The following TARS2 variants were observed in gnomAD, a reference collection of about 807,000 sequenced individuals.
TARS2 encodes the protein threonine--tRNA ligase, mitochondrial.
In TARS2, 61 loss-of-function variants were observed where a neutral mutation model predicts 94.4. The observed-to-expected ratio is 0.65, with a 90% confidence interval of 0.53 to 0.80. The LOEUF (loss-of-function observed/expected upper bound fraction) is 0.80, where lower values mean the gene tolerates loss of function less well. TARS2 is among the 30% of genes least tolerant of loss of function. The pLI is 0.00. For missense variants in TARS2, 704 were observed against 902.5 expected (o/e 0.78, Z 2.82); for synonymous variants, 359 against 353.4 (o/e 1.02, Z -0.18).
At chr1:150,494,534 G>A (rs1669559485) in intron 7 of TARS2, among the ~76,000 whole-genome samples, 1 of 151,786 alleles carries the variant, frequency 6.6e-6, no homozygotes, top group Admixed American at 6.6e-5. Context: ...GAGCTCAGGA[G>A]TTCAAGACCA....
intron 13 of TARS2, among the ~76,000 whole-genome samples, chr1:150,503,644 T>C (rs143857449): frequency 0.014 from 1,622 of 117,420 alleles, 47 homozygotes; most frequent in African/African-American, 0.044. Context: ...TGTGTGTATA[T>C]ATGTGTGTAT....
At chr1:150,494,370 CAAAAAAAAAAAAA>C (rs377287320) in intron 7 of TARS2, among the ~76,000 whole-genome samples, 33,010 of 92,492 alleles carry the variant, frequency 0.36, 4,402 homozygotes, top group African/African-American at 0.44. Flanking sequence ...GACAACATCT[CAAAAAAAAAAAAA>C]AAAAAAAAGA....
chr1:150,503,645 A>ATG (rs1341187822), intron 13 of TARS2, among the ~76,000 whole-genome samples: 53 of 68,910 alleles, frequency 7.7e-4, no homozygotes, highest in African/African-American at 1.6e-3. Flanking sequence ...GTGTGTATAT[A>ATG]TGTGTGTATA....
chr1:150,504,274 G>A (rs1192013884), intron 13 of TARS2, 61 bp from the exon 14 acceptor site: 1 of 1,534,930 alleles, frequency 6.5e-7, no homozygotes, highest in Non-Finnish European at 9.0e-7. Context: ...AGGTAATGGA[G>A]GATAGTGGTT....
At chr1:150,503,631 A>ATG (rs375895458) in intron 13 of TARS2, among the ~76,000 whole-genome samples, 2,650 of 79,438 alleles carry the variant, frequency 0.033, 127 homozygotes, top group African/African-American at 0.084. Flanking sequence ...GTGTGTATAT[A>ATG]TGTGTGTGTA....
At chr1:150,506,661 C>T (rs1396599594) in intron 17 of TARS2, among the ~76,000 whole-genome samples, 1 of 151,678 alleles carries the variant, frequency 6.6e-6, no homozygotes, top group African/African-American at 2.4e-5. Flanking sequence ...ACTCTTATGT[C>T]TCTGACCCTG....
intron 13 of TARS2, among the ~76,000 whole-genome samples, chr1:150,503,599 G>A (rs1413459953): frequency 2.2e-5 from 3 of 133,472 alleles, no homozygotes; most frequent in African/African-American, 2.8e-5. Context: ...GTGTGTGTGT[G>A]TGTATGTGTG....
chr1:150,496,097 A>C (rs777750514), intron 7 of TARS2, among the ~76,000 whole-genome samples: 3 of 152,182 alleles, frequency 2.0e-5, no homozygotes, highest in African/African-American at 7.2e-5. Flanking sequence ...GGTATAGAAG[A>C]CTGACTTTTC....
At chr1:150,490,125 T>TA (rs1669318013) in intron 3 of TARS2, among the ~76,000 whole-genome samples, 1 of 133,990 alleles carries the variant, frequency 7.5e-6, no homozygotes, top group Admixed American at 7.3e-5. Flanking sequence ...TTTTTTTTTT[T>TA]TTTTTTTTTT....
intron 5 of TARS2, 39 bp from the exon 6 acceptor site, chr1:150,491,559 T>TA: frequency 1.2e-6 from 2 of 1,614,082 alleles, no homozygotes; most frequent in Non-Finnish European, 1.7e-6. Context: ...TTTGTGGGAA[T>TA]AAACACTTTT....
At chr1:150,502,589 G>A (rs772479169) in intron 13 of TARS2, among the ~76,000 whole-genome samples, 48 of 151,476 alleles carry the variant, frequency 3.2e-4, no homozygotes, top group Non-Finnish European at 5.2e-4. Flanking sequence ...GCATTTCACC[G>A]TGTTGGCCAG....
At chr1:150,494,386 A>AAG (rs1553903983) in intron 7 of TARS2, among the ~76,000 whole-genome samples, 9 of 151,808 alleles carry the variant, frequency 5.9e-5, no homozygotes, top group Middle Eastern at 3.4e-3. Flanking sequence ...AAAAAAAAAA[A>AAG]AAAAAGATAA....
chr1:150,501,293 CA>C (rs58418387), intron 13 of TARS2, among the ~76,000 whole-genome samples: 95 of 113,266 alleles, frequency 8.4e-4, no homozygotes, highest in East Asian at 2.8e-3. Context: ...CTCGTCTCTA[CA>C]AAAAAAAATT....
At chr1:150,497,787 T>C (rs1422450404) in intron 10 of TARS2, 40 bp downstream of exon 10, 2 of 1,587,850 alleles carry the variant, frequency 1.3e-6, no homozygotes, top group East Asian at 2.3e-5. Context: ...TTGCTAAATA[T>C]TAAATAATAG....
intron 10 of TARS2, 119 bp downstream of exon 10, chr1:150,497,866 C>T (rs971881135): frequency 2.0e-5 from 20 of 1,024,054 alleles, no homozygotes; most frequent in African/African-American, 3.2e-5. Context: ...CCGAGGCGGG[C>T]GGATCACCTG....
chr1:150,503,655 A>ACATGTGTG (rs1171658847), intron 13 of TARS2, among the ~76,000 whole-genome samples: 5 of 150,040 alleles, frequency 3.3e-5, no homozygotes, highest in Non-Finnish European at 7.4e-5. Flanking sequence ...ATGTGTGTAT[A>ACATGTGTG]TATGTGTGTA....
At chr1:150,505,510 T>C in intron 16 of TARS2, 81 bp from the exon 17 acceptor site, 1 of 1,235,830 alleles carries the variant, frequency 8.1e-7, no homozygotes, top group Non-Finnish European at 1.2e-6. Flanking sequence ...GATGGGGGCA[T>C]TGAGGGAAAA....
intron 17 of TARS2, among the ~76,000 whole-genome samples, chr1:150,506,667 C>CA: frequency 6.6e-6 from 1 of 151,654 alleles, no homozygotes; most frequent in Non-Finnish European, 1.5e-5. Flanking sequence ...ATGTCTCTGA[C>CA]CCTGGGGCTC....
At position 150,498,926 on chromosome 1, in the gene TARS2, T is replaced by C. The variant is rs749267843; in HGVS notation, c.1431T>C (p.Asp477=). 6.2e-7 allele frequency: 1 copy of C among 1,614,224 alleles called. No individual in the cohort carries two copies. The highest frequency in any genetic ancestry group is 8.5e-7 in the Non-Finnish European group (1 of 1,180,048). ...QLEAEIQSCL[D]FLRSVYAVLG... is the part of the protein sequence containing the mutation. The stretch of plus-strand genomic sequence containing the variant: ...AAGCAGAGATCCAAAGCTGTCTTGA[T>C]TTCCTCCGTTCCGTCTATGCCGTTC... Residue 477 remains aspartate, a synonymous_variant, in exon 12 of 18, where the codon GAT becomes GAC. Transcript: ENST00000369064.
Sources: gnomAD v4.1 joint callset for allele counts (sites outside exome capture counted in the v4.1 genomes callset) on GRCh38, gnomAD v4.1.1 for gene constraint, MANE v1.5 for transcripts, NCBI Gene and HGNC (gene_info 2026-07-23, HGNC 2026-07-21) for gene names.